SLC35F4: variants seen among roughly 807,000 people sequenced by gnomAD.
The protein encoded by SLC35F4 is chromosome 14 open reading frame 36.
Under a neutral mutation model 44.2 loss-of-function variants are expected in SLC35F4, and 24 were observed. The observed-to-expected ratio is 0.54, with a 90% CI of 0.39 to 0.76. The LOEUF is 0.76. Ranked by LOEUF, SLC35F4 falls within the 30% of genes least tolerant of loss-of-function variation. The probability of loss-of-function intolerance (pLI) is 0.00; values close to 1 mark genes in which losing one functional copy is unlikely to be tolerated. For synonymous variants in SLC35F4, 238 were observed against 223.6 expected, an observed-to-expected ratio of 1.06 and a Z score of -0.57; for missense variants, 562 against 586.1, an observed-to-expected ratio of 0.96 and a Z score of 0.42.
chr14:57,667,288 G>C (rs550684182), intron 1 of SLC35F4, among the ~76,000 whole-genome samples: 111 of 152,034 alleles, frequency 7.3e-4, no homozygotes, highest in African/African-American at 2.5e-3. Context: ...TAAAGGGAGT[G>C]TCAAAATTGA....
At chr14:57,958,334 A>C (rs1890279039) in intron 1 of SLC35F4, among the ~76,000 whole-genome samples, 1 of 152,192 alleles carries the variant, frequency 6.6e-6, no homozygotes, top group Non-Finnish European at 1.5e-5. Context: ...CTGAGATTAC[A>C]TGCGTGAGCC....
At chr14:57,739,863 G>A (rs898501763) in intron 1 of SLC35F4, among the ~76,000 whole-genome samples, 2 of 152,186 alleles carry the variant, frequency 1.3e-5, no homozygotes, top group Non-Finnish European at 2.9e-5. Context: ...GTGGCTATTG[G>A]TTTGTTGTTG....
At chr14:57,663,532 C>T (rs866239965) in intron 1 of SLC35F4, among the ~76,000 whole-genome samples, 1 of 152,148 alleles carries the variant, frequency 6.6e-6, no homozygotes, top group Non-Finnish European at 1.5e-5. Flanking sequence ...AGCCACCAAA[C>T]AAGAGATTTG....
intron 1 of SLC35F4, among the ~76,000 whole-genome samples, chr14:57,928,490 C>T (rs1467757566): frequency 1.3e-5 from 2 of 152,164 alleles, no homozygotes; most frequent in Non-Finnish European, 2.9e-5. Flanking sequence ...ACTTTTTCCT[C>T]GGGCATTAAC....
At chr14:57,961,431 T>C (rs1241196109) in intron 1 of SLC35F4, among the ~76,000 whole-genome samples, 1 of 152,142 alleles carries the variant, frequency 6.6e-6, no homozygotes, top group Non-Finnish European at 1.5e-5. Flanking sequence ...TGTGATTCTA[T>C]GAAACCACAG....
At chr14:57,865,319 C>T (rs1485701803) in intron 1 of SLC35F4, among the ~76,000 whole-genome samples, 6 of 152,048 alleles carry the variant, frequency 3.9e-5, no homozygotes, top group Non-Finnish European at 7.4e-5. Context: ...CCCAGCGCCC[C>T]GCACGCAGTA....
chr14:57,605,628 T>C lies in SLC35F4; in HGVS notation c.104-11504A>G, dbSNP rs180745644. Among the ~76,000 whole-genome samples, 210 of 152,122 alleles carry C rather than the reference T, an allele frequency of 1.4e-3. 1 individual carries two copies. The highest frequency in any genetic ancestry group is 4.8e-3 in the African/African-American group (199 of 41,480). On this transcript the variant is annotated intron_variant, in intron 1 of 7. Coordinates refer to ENST00000556826, the MANE Select transcript of SLC35F4 (RefSeq NM_001306087.2). ...GAGTATATGCCCAAAAGAAAATAAA[T>C]TGTTCTACCAAAAAGATATGTGCAT... is the stretch of plus-strand genomic sequence containing the variant.
chr14:57,854,542 C>A (rs117412223), intron 1 of SLC35F4, among the ~76,000 whole-genome samples: 1 of 152,248 alleles, frequency 6.6e-6, no homozygotes, highest in Non-Finnish European at 1.5e-5. Flanking sequence ...TCATTTCCTC[C>A]CCACCTGTTT....
intron 1 of SLC35F4, among the ~76,000 whole-genome samples, chr14:57,895,130 G>C (rs1019880337): frequency 2.0e-5 from 3 of 152,058 alleles, no homozygotes; most frequent in Non-Finnish European, 4.4e-5. Flanking sequence ...TACTGCCTTG[G>C]TGGGGCTAAC....
intron 1 of SLC35F4, among the ~76,000 whole-genome samples, chr14:57,946,101 C>G (rs1566509548): frequency 1.3e-5 from 2 of 152,102 alleles, no homozygotes; most frequent in Non-Finnish European, 2.9e-5. Flanking sequence ...GCTTATTTCT[C>G]TTTCTGTACA....
chr14:57,791,944 T>A (rs1745144974), intron 1 of SLC35F4, among the ~76,000 whole-genome samples: 1 of 145,464 alleles, frequency 6.9e-6, no homozygotes, highest in South Asian at 2.2e-4. Flanking sequence ...GAGGGGAACA[T>A]CACACACTGG....
upstream of SLC35F4, among the ~76,000 whole-genome samples, chr14:57,868,698 G>A (rs1395960801): frequency 2.6e-5 from 4 of 152,034 alleles, no homozygotes; most frequent in Admixed American, 6.6e-5. Flanking sequence ...GACTGGTCTC[G>A]AACTCCTGAC....
intron 1 of SLC35F4, among the ~76,000 whole-genome samples, chr14:57,717,035 T>C (rs1253062634): frequency 2.0e-5 from 3 of 152,242 alleles, no homozygotes; most frequent in Non-Finnish European, 4.4e-5. Flanking sequence ...CCCATGTTGC[T>C]GACAGCATTT....
At chr14:57,660,337 GC>G (rs751739772) in intron 1 of SLC35F4, among the ~76,000 whole-genome samples, 6 of 151,832 alleles carry the variant, frequency 4.0e-5, no homozygotes, top group Admixed American at 1.3e-4. Context: ...ATCACAATTA[GC>G]AAAAAAGCTT....
At chr14:57,796,003 T>G (rs572237009) in intron 1 of SLC35F4, among the ~76,000 whole-genome samples, 5 of 152,276 alleles carry the variant, frequency 3.3e-5, no homozygotes, top group South Asian at 4.1e-4. Flanking sequence ...TGTGTCCATA[T>G]GTACTCAATG....
chr14:57,956,533 T>C (rs2141084598), intron 1 of SLC35F4, among the ~76,000 whole-genome samples: 1 of 152,176 alleles, frequency 6.6e-6, no homozygotes, highest in Non-Finnish European at 1.5e-5. Flanking sequence ...ATTTCTGCAA[T>C]CTATCCATCT....
At chr14:57,583,790 T>TACTATTTAAGCATTA (rs1287779233) in intron 3 of SLC35F4, among the ~76,000 whole-genome samples, 21 of 152,186 alleles carry the variant, frequency 1.4e-4, no homozygotes, top group Admixed American at 1.1e-3. Flanking sequence ...TAAAATCCCA[T>TACTATTTAAGCATTA]ACTATTTAAG....
intron 1 of SLC35F4, among the ~76,000 whole-genome samples, chr14:57,924,466 T>A (rs1031970628): frequency 2.6e-5 from 4 of 151,510 alleles, no homozygotes; most frequent in African/African-American, 4.9e-5. Flanking sequence ...TTTTTTTTTT[T>A]AAGACGGAGA....
chr14:57,935,925 T>G lies in SLC35F4; in HGVS notation n.282+45988A>C, dbSNP rs571693714. ...TCAAAAATGAATTTGAAAGTAAGTT[T>G]GGATTAAATCAGCAGTATTTGTACT... On this transcript the variant is annotated intron_variant and non_coding_transcript_variant, in intron 1 of 1. Transcript: ENST00000556568. 2.0e-5 allele frequency among the ~76,000 whole-genome samples: 3 copies of G among 152,358 alleles called. No individual in the cohort carries two copies. In the East Asian group the frequency reaches 5.8e-4, roughly 29 times the overall value.
Sources: allele counts gnomAD v4.1 joint callset (sites outside exome capture counted in the v4.1 genomes callset), GRCh38; gene constraint gnomAD v4.1.1; transcripts MANE v1.5; gene names NCBI Gene and HGNC (gene_info 2026-07-23, HGNC 2026-07-21).